Variants in SUGCT observed in about 807,000 individuals in gnomAD.
SUGCT encodes succinyl-CoA:glutarate CoA-transferase.
A neutral mutation model predicts 55.0 loss-of-function variants in SUGCT; 41 were observed. The observed-to-expected ratio is 0.74, with a 90% CI of 0.58 to 0.97. The LOEUF (loss-of-function observed/expected upper bound fraction) is 0.97, where lower values mean the gene tolerates loss of function less well. Among genes scored for constraint, SUGCT ranks in the 50% least tolerant of loss-of-function variants. The pLI is 0.00. For missense variants in SUGCT, 568 were observed against 547.8 expected, an observed-to-expected ratio of 1.04 and a Z score of -0.37; for synonymous variants, 187 against 200.4, an observed-to-expected ratio of 0.93 and a Z score of 0.56.
At chr7:40,187,759 C>T (rs1187046485) in intron 3 of SUGCT, among the ~76,000 whole-genome samples, 1 of 152,130 alleles carries the variant, frequency 6.6e-6, no homozygotes, top group Non-Finnish European at 1.5e-5. Flanking sequence ...TATTGTGAAA[C>T]CCTGTCTCTA....
At chr7:40,713,053 T>A (rs1311650876) in intron 12 of SUGCT, among the ~76,000 whole-genome samples, 7 of 152,174 alleles carry the variant, frequency 4.6e-5, no homozygotes, top group Non-Finnish European at 1.0e-4. Context: ...AATTCAGAGG[T>A]CTTTAATGAA....
intron 1 of SUGCT, among the ~76,000 whole-genome samples, chr7:40,157,737 A>G (rs1211435995): frequency 1.3e-5 from 2 of 152,298 alleles, no homozygotes; most frequent in African/African-American, 4.8e-5. Flanking sequence ...CTAATAGTGG[A>G]AAAGTAAATG....
At chr7:40,295,973 T>TA (rs976292035) in intron 8 of SUGCT, among the ~76,000 whole-genome samples, 1 of 152,192 alleles carries the variant, frequency 6.6e-6, no homozygotes, top group Non-Finnish European at 1.5e-5. Context: ...CTTTCAGCCT[T>TA]AATCAGTGAC....
chr7:40,447,262 C>A (rs566258390), intron 9 of SUGCT, among the ~76,000 whole-genome samples: 1 of 152,058 alleles, frequency 6.6e-6, no homozygotes, highest in Non-Finnish European at 1.5e-5. Flanking sequence ...TGATCACATG[C>A]GGCTAGTGGC....
intron 12 of SUGCT, among the ~76,000 whole-genome samples, chr7:40,742,621 C>T (rs1234203275): frequency 1.3e-5 from 2 of 152,102 alleles, no homozygotes; most frequent in Non-Finnish European, 2.9e-5. Context: ...CACTTCCTAA[C>T]AGGCCAAGGA....
At chr7:40,518,301 C>T (rs537551396) in intron 12 of SUGCT, among the ~76,000 whole-genome samples, 5 of 152,268 alleles carry the variant, frequency 3.3e-5, no homozygotes, top group Admixed American at 2.0e-4. Context: ...ATGATTATTA[C>T]ATCCAAACAA....
chr7:40,898,427 A>G, the SUGCT span, among the ~76,000 whole-genome samples: 1 of 124,808 alleles, frequency 8.0e-6, no homozygotes, highest in Non-Finnish European at 1.6e-5. Flanking sequence ...AAGAACTGTA[A>G]CACTCGGCAG....
downstream of SUGCT, among the ~76,000 whole-genome samples, chr7:40,862,188 T>C (rs1179322558): frequency 6.6e-6 from 1 of 152,188 alleles, no homozygotes; most frequent in Admixed American, 6.5e-5. Flanking sequence ...AGAAAATTCC[T>C]CTAAAATTTT....
intron 12 of SUGCT, among the ~76,000 whole-genome samples, chr7:40,566,562 C>A (rs1180318504): frequency 6.6e-6 from 1 of 152,194 alleles, no homozygotes; most frequent in Non-Finnish European, 1.5e-5. Flanking sequence ...AACTTCAGTT[C>A]TTCTTTGCTT....
chr7:40,179,694 C>T (rs1031604656), intron 1 of SUGCT, among the ~76,000 whole-genome samples: 57 of 152,324 alleles, frequency 3.7e-4, no homozygotes, highest in Non-Finnish European at 6.3e-4. Context: ...GATGTATGGG[C>T]CTCAGCCGGG....
the SUGCT span, among the ~76,000 whole-genome samples, chr7:40,964,160 A>G: frequency 2.0e-5 from 3 of 152,226 alleles, no homozygotes; most frequent in Non-Finnish European, 2.9e-5. Context: ...GTATCAATGA[A>G]TCATTCATAA....
At chr7:41,025,939 G>A in the SUGCT span, among the ~76,000 whole-genome samples, 100 of 152,294 alleles carry the variant, frequency 6.6e-4, no homozygotes, top group African/African-American at 2.3e-3. Flanking sequence ...ACATTTGTAA[G>A]TCCCAGAGCA....
chr7:40,653,645 C>G (rs1212871008), intron 12 of SUGCT, among the ~76,000 whole-genome samples: 1 of 152,160 alleles, frequency 6.6e-6, no homozygotes, highest in African/African-American at 2.4e-5. Context: ...GTTCTGATTG[C>G]CTGGGAGCTG....
intron 13 of SUGCT, among the ~76,000 whole-genome samples, chr7:40,794,847 T>C (rs527969957): frequency 6.6e-6 from 1 of 152,194 alleles, no homozygotes; most frequent in African/African-American, 2.4e-5. Flanking sequence ...AATAGAAGTT[T>C]TGTGTTCTTT....
intron 13 of SUGCT, among the ~76,000 whole-genome samples, chr7:40,785,394 C>A (rs1422133503): frequency 1.3e-5 from 2 of 152,156 alleles, no homozygotes; most frequent in African/African-American, 4.8e-5. Context: ...CTCATAAGTC[C>A]TATTAAAGAA....
At chr7:40,719,925 A>G (rs1584333097) in intron 12 of SUGCT, among the ~76,000 whole-genome samples, 1 of 152,198 alleles carries the variant, frequency 6.6e-6, no homozygotes, top group South Asian at 2.1e-4. Context: ...CCTCCTGAGT[A>G]GCTGGGATTA....
At chr7:40,717,882 A>G (rs1358787251) in intron 12 of SUGCT, among the ~76,000 whole-genome samples, 1 of 152,142 alleles carries the variant, frequency 6.6e-6, no homozygotes. Context: ...TTTATATTAG[A>G]GGTAGTTACT....
Position 40,575,163 on chromosome 7 carries a change from C to T in SUGCT, c.1089+78777C>T, listed in dbSNP as rs547943734. On this transcript the variant is annotated intron_variant, in intron 12 of 13. Transcript: ENST00000335693. ...GGGTGAAGTTTTGGAGTAAATTCTTCGGATCGTCTGCCTCAAACATACCCC... is the reference window on the plus strand; with the variant it reads ...GGGTGAAGTTTTGGAGTAAATTCTTTGGATCGTCTGCCTCAAACATACCCC... Among the ~76,000 whole-genome samples the T allele has an allele frequency of 7.9e-5, 12 of 151,334 alleles. No individual in the cohort carries two copies. In the South Asian group the frequency reaches 8.3e-4, roughly 10 times the overall value.
At chr7:40,951,705 T>C in the SUGCT span, among the ~76,000 whole-genome samples, 1 of 152,224 alleles carries the variant, frequency 6.6e-6, no homozygotes, top group African/African-American at 2.4e-5. Flanking sequence ...TTCGTTTTGT[T>C]ATGTACCCAG....
Sources: gnomAD v4.1 joint callset for allele counts (sites outside exome capture counted in the v4.1 genomes callset) on GRCh38, gnomAD v4.1.1 for gene constraint, MANE v1.5 for transcripts, NCBI Gene and HGNC (gene_info 2026-07-23, HGNC 2026-07-21) for gene names.